Variants in PRKCA observed in about 807,000 individuals in gnomAD.
PRKCA encodes protein kinase C alpha type.
In PRKCA, 27 loss-of-function variants were observed where a neutral mutation model predicts 87.0. The observed-to-expected ratio is 0.31, with a 90% CI of 0.23 to 0.43. PRKCA has a LOEUF of 0.43. Ranked by LOEUF, PRKCA falls within the 20% of genes least tolerant of loss-of-function variation. The probability of loss-of-function intolerance (pLI) is 1.00; values close to 1 mark genes in which losing one functional copy is unlikely to be tolerated. For synonymous variants in PRKCA, 329 were observed against 311.1 expected (o/e 1.06, Z -0.61); for missense variants, 518 against 852.3 (o/e 0.61, Z 4.88).
chr17:66,641,031 G>A (rs1971281525), intron 3 of PRKCA: 1 of 310,936 alleles, frequency 3.2e-6, no homozygotes, highest in South Asian at 3.0e-5. Context: ...CGTGGTGGAT[G>A]CCTGTAATCC....
intron 8 of PRKCA, among the ~76,000 whole-genome samples, chr17:66,709,680 G>A (rs1973276128): frequency 6.8e-6 from 1 of 146,482 alleles, no homozygotes; most frequent in South Asian, 2.3e-4. Flanking sequence ...AGTTAAGATA[G>A]GTTTTTTTTT....
At chr17:66,439,833 T>G (rs1296161916) in intron 2 of PRKCA, among the ~76,000 whole-genome samples, 3 of 152,238 alleles carry the variant, frequency 2.0e-5, no homozygotes, top group African/African-American at 7.2e-5. Context: ...CTTAAGGACC[T>G]GGATAGCATA....
chr17:66,660,052 G>A (rs952357045), intron 5 of PRKCA, among the ~76,000 whole-genome samples: 11 of 152,214 alleles, frequency 7.2e-5, no homozygotes, highest in African/African-American at 2.4e-4. Flanking sequence ...GTCATGGCTG[G>A]ATTCAAAGAT....
chr17:66,630,791 A>C (rs571669910), intron 3 of PRKCA, among the ~76,000 whole-genome samples: 1 of 152,304 alleles, frequency 6.6e-6, no homozygotes, highest in African/African-American at 2.4e-5. Flanking sequence ...TTGAACTCAA[A>C]CCTACAAGCT....
At chr17:66,457,902 G>A (rs1274313434) in intron 2 of PRKCA, among the ~76,000 whole-genome samples, 3 of 152,166 alleles carry the variant, frequency 2.0e-5, no homozygotes, top group African/African-American at 7.2e-5. Flanking sequence ...CTAGCTGAGT[G>A]TGCTGCTGGG....
chr17:66,746,128 G>T (rs890543497), intron 13 of PRKCA, among the ~76,000 whole-genome samples: 1 of 142,368 alleles, frequency 7.0e-6, no homozygotes, highest in Non-Finnish European at 1.5e-5. Context: ...TCACCTTAAG[G>T]TTGTTTCACC....
chr17:66,686,675 C>T (rs1972635536), intron 5 of PRKCA, among the ~76,000 whole-genome samples: 1 of 152,138 alleles, frequency 6.6e-6, no homozygotes, highest in Non-Finnish European at 1.5e-5. Flanking sequence ...TCTGGGAGCT[C>T]AGGTGCGTGT....
intron 3 of PRKCA, among the ~76,000 whole-genome samples, chr17:66,620,722 A>C (rs1970654328): frequency 6.6e-6 from 1 of 152,208 alleles, no homozygotes; most frequent in South Asian, 2.1e-4. Flanking sequence ...TTTGCATCCC[A>C]TACAGATAGC....
In PRKCA at chr17:66,792,207, G is replaced by T. The variant is rs1975556247; in HGVS notation, c.1854+3228G>T. The stretch of plus-strand genomic sequence containing the variant: ...AGACTTGCAGGCTTAAGGACAGGTA[G>T]CTGTTCTCACGTGCGGTGATGCTCC... On this transcript the variant is annotated intron_variant, in intron 16 of 16. Transcript: ENST00000413366. The surrounding 1 kb of genome is among the most constrained non-coding windows in gnomAD (Gnocchi z 4.5). 6.6e-6 allele frequency among the ~76,000 whole-genome samples: 1 copy of T among 152,200 alleles called. No homozygotes were observed. The highest frequency in any genetic ancestry group is 2.1e-4 in the South Asian group (1 of 4,830).
intron 2 of PRKCA, among the ~76,000 whole-genome samples, chr17:66,383,562 G>A (rs1256160755): frequency 1.3e-5 from 2 of 152,150 alleles, no homozygotes; most frequent in Non-Finnish European, 2.9e-5. Flanking sequence ...GTTATTCTAG[G>A]TCAGTGGAAT....
intron 2 of PRKCA, among the ~76,000 whole-genome samples, chr17:66,382,815 A>G (rs1382145295): frequency 6.6e-6 from 1 of 152,058 alleles, no homozygotes; most frequent in Non-Finnish European, 1.5e-5. Context: ...ATGCTGCTCA[A>G]CATCCTGTAT....
intron 11 of PRKCA, among the ~76,000 whole-genome samples, 185 bp downstream of exon 11, chr17:66,739,040 G>A (rs1349432360): frequency 6.6e-6 from 1 of 152,058 alleles, no homozygotes; most frequent in Non-Finnish European, 1.5e-5. Context: ...ACACCACCAT[G>A]CCTGGCTAAT....
In PRKCA at chr17:66,712,050, C is replaced by T. The variant is rs114444199; in HGVS notation, c.919-20638C>T. ...CCTTGTCTGTGTTTGAAAACCCTGT[C>T]CCATGATTCAATGCAGGGTGTTGAC... On this transcript the variant is annotated intron_variant, in intron 8 of 16. Transcript: ENST00000413366. 3.5e-3 allele frequency among the ~76,000 whole-genome samples: 532 copies of T among 152,226 alleles called. 5 individuals are homozygous for T. The highest frequency in any genetic ancestry group is 0.012 in the African/African-American group (497 of 41,522).
At chr17:66,650,658 C>T (rs908507337) in intron 5 of PRKCA, among the ~76,000 whole-genome samples, 1 of 152,022 alleles carries the variant, frequency 6.6e-6, no homozygotes, top group African/African-American at 2.4e-5. Flanking sequence ...AGACTTCCTC[C>T]CAGCTCTTAC....
intron 3 of PRKCA, among the ~76,000 whole-genome samples, chr17:66,635,238 G>C (rs1358180094): frequency 6.6e-6 from 1 of 151,910 alleles, no homozygotes; most frequent in Non-Finnish European, 1.5e-5. Context: ...AGGCTGCTCT[G>C]ATCATTTCCA....
At chr17:66,603,818 G>A (rs1970126321) in intron 3 of PRKCA, among the ~76,000 whole-genome samples, 1 of 152,082 alleles carries the variant, frequency 6.6e-6, no homozygotes, top group African/African-American at 2.4e-5. Context: ...CTGTCTCTAT[G>A]AATCTGACTG....
intron 2 of PRKCA, among the ~76,000 whole-genome samples, chr17:66,487,378 C>T (rs1252579850): frequency 6.6e-6 from 1 of 152,114 alleles, no homozygotes; most frequent in Non-Finnish European, 1.5e-5. Flanking sequence ...TTGAATAATA[C>T]TCCATTTTGT....
intron 2 of PRKCA, among the ~76,000 whole-genome samples, chr17:66,429,128 C>T (rs1912970351): frequency 1.3e-5 from 2 of 151,844 alleles, no homozygotes; most frequent in Non-Finnish European, 2.9e-5. Flanking sequence ...TGGACTGTGT[C>T]TGGTTTTGTT....
intron 3 of PRKCA, among the ~76,000 whole-genome samples, chr17:66,587,887 G>A (rs1298882564): frequency 1.1e-4 from 11 of 99,012 alleles, no homozygotes; most frequent in Non-Finnish European, 1.2e-4. Context: ...GTGTGTGTGT[G>A]TGTGTGTGTA....
Sources: gnomAD v4.1 joint callset for allele counts (sites outside exome capture counted in the v4.1 genomes callset) on GRCh38, gnomAD v4.1.1 for gene constraint, Gnocchi (gnomAD v3.1) non-coding constraint, MANE v1.5 for transcripts, NCBI Gene and HGNC (gene_info 2026-07-23, HGNC 2026-07-21) for gene names.